Variants in STX18 observed in about 807,000 individuals in gnomAD.
STX18 encodes syntaxin-18.
Under a neutral mutation model 50.1 loss-of-function variants are expected in STX18, and 40 were observed. The observed-to-expected ratio is 0.80, with a 90% CI of 0.62 to 1.04. The LOEUF (loss-of-function observed/expected upper bound fraction) is 1.04, where lower values mean the gene tolerates loss of function less well. STX18 is among the 50% of genes least tolerant of loss of function. The pLI is 0.00. For synonymous variants in STX18, 158 were observed against 151.8 expected (o/e 1.04, Z -0.30); for missense variants, 410 against 415.8 (o/e 0.99, Z 0.12).
chr4:4,477,541 C>T (rs1233624856), intron 1 of STX18, among the ~76,000 whole-genome samples: 1 of 152,182 alleles, frequency 6.6e-6, no homozygotes, highest in African/African-American at 2.4e-5. Context: ...CTTCTCCCAG[C>T]AATGCCCAGG....
chr4:4,463,037 CAGA>C (rs1727459579), intron 2 of STX18, among the ~76,000 whole-genome samples: 2 of 152,212 alleles, frequency 1.3e-5, no homozygotes, highest in South Asian at 2.1e-4. Flanking sequence ...TGCAAAGTTG[CAGA>C]AGAACACCCG....
At chr4:4,513,544 T>TCTTA (rs1730102362) in intron 1 of STX18, among the ~76,000 whole-genome samples, 1 of 152,206 alleles carries the variant, frequency 6.6e-6, no homozygotes, top group Admixed American at 6.5e-5. Context: ...GATCTTATGG[T>TCTTA]TGCTTTTAGA....
chr4:4,520,348 G>A (rs1041277508), intron 1 of STX18, among the ~76,000 whole-genome samples: 6 of 152,080 alleles, frequency 3.9e-5, no homozygotes, highest in African/African-American at 1.4e-4. Context: ...ACAGAAATTT[G>A]GTCTCCTTCC....
At chr4:4,538,224 T>A (rs1402060102) in intron 1 of STX18, among the ~76,000 whole-genome samples, 2 of 152,140 alleles carry the variant, frequency 1.3e-5, no homozygotes, top group African/African-American at 4.8e-5. Flanking sequence ...TAACGGCTCC[T>A]GGGGTACAAT....
At chr4:4,482,393 G>C (rs886500270) in intron 1 of STX18, among the ~76,000 whole-genome samples, 1 of 152,162 alleles carries the variant, frequency 6.6e-6, no homozygotes, top group Non-Finnish European at 1.5e-5. Flanking sequence ...TCCTCATGCA[G>C]CCACTCACAC....
At chr4:4,435,159 A>G (rs1459844533) in intron 6 of STX18, among the ~76,000 whole-genome samples, 1 of 152,198 alleles carries the variant, frequency 6.6e-6, no homozygotes, top group Non-Finnish European at 1.5e-5. Context: ...CATTATTCAG[A>G]ATGTCTTCAG....
rs781259237 is a variant in STX18, at chr4:4,423,537, G to A, written c.812C>T (p.Thr271Met). The A allele has an allele frequency of 9.3e-6, 15 of 1,614,008 alleles. No individual in the cohort carries two copies. Among genetic ancestry groups the A allele is most frequent in the South Asian group, 6.6e-5 (6 of 91,086 alleles). Residue 271 changes from threonine to methionine, a missense_variant, in exon 9 of 11, where the codon ACG (threonine) becomes ATG (methionine). Transcript: ENST00000306200. Reference sequence around the variant, plus strand: ...TTTTACCTGTTGCAAAACCTTTTCCGTGAATATCTCTTGGAGTCTGGAAAT... The same window carrying A: ...TTTTACCTGTTGCAAAACCTTTTCCATGAATATCTCTTGGAGTCTGGAAAT... ...VEISRLQEIF[T>M]EKVLQQEAEI...
intron 2 of STX18, among the ~76,000 whole-genome samples, chr4:4,461,696 T>A (rs1318908852): frequency 1.3e-5 from 2 of 152,176 alleles, no homozygotes; most frequent in Non-Finnish European, 2.9e-5. Context: ...GAGAACTTGA[T>A]GAGAGACAAT....
intron 1 of STX18, among the ~76,000 whole-genome samples, chr4:4,495,197 T>C (rs73088213): frequency 2.3e-3 from 346 of 152,158 alleles, no homozygotes; most frequent in African/African-American, 8.1e-3. Context: ...TGCCTCAGAG[T>C]GTGTGTGAGG....
chr4:4,433,528 AT>A (rs1239318261), intron 7 of STX18, among the ~76,000 whole-genome samples: 23 of 135,938 alleles, frequency 1.7e-4, no homozygotes, highest in African/African-American at 5.2e-4. Flanking sequence ...AATAAAAAAA[AT>A]AAATTAAAAA....
At chr4:4,507,120 A>G (rs899648382) in intron 1 of STX18, 6 of 557,068 alleles carry the variant, frequency 1.1e-5, no homozygotes, top group Admixed American at 2.0e-5. Flanking sequence ...CCCAATGGCA[A>G]GAAGCCAGGT....
At chr4:4,433,324 A>G (rs1725610792) in intron 7 of STX18, among the ~76,000 whole-genome samples, 1 of 152,134 alleles carries the variant, frequency 6.6e-6, no homozygotes, top group Non-Finnish European at 1.5e-5. Flanking sequence ...ATTGAAAACA[A>G]CCTATAGCTT....
rs563819612 is a variant in STX18 at position 4,469,044 on chromosome 4, T to C, written c.236+2595A>G. ...GGTAGACACACCAGAGTGTGTACCA[T>C]ACAAGTCTATTTATATTCCCCTTGA... On this transcript the variant is annotated intron_variant, in intron 2 of 10. Transcript: ENST00000306200. Among the ~76,000 whole-genome samples, 171 of 152,304 alleles carry C rather than the reference T, an allele frequency of 1.1e-3. 1 individual carries two copies. The highest frequency in any genetic ancestry group is 5.8e-3 in the South Asian group (28 of 4,832).
rs1024260607 is a variant in STX18 at position 4,437,518 on chromosome 4, G to GA, written c.613+875dup. ...GGACAATGCAAATATGCAAAAATTT[G>GA]AAAAAACCCTAAATCCAAAACACTT... is the stretch of plus-strand genomic sequence containing the variant. On this transcript the variant is annotated intron_variant, in intron 6 of 10. Coordinates refer to ENST00000306200, the MANE Select transcript of STX18 (RefSeq NM_016930.4). 50 of 780,394 alleles carry GA rather than the reference G, an allele frequency of 6.4e-5. No homozygotes were observed. In the African/African-American group the frequency reaches 8.5e-4, roughly 13 times the overall value. The allele number at this position is 780,394 out of a possible 1,614,324, so 48.3% of individuals were successfully genotyped here. A position where few individuals can be genotyped will look rare whatever the true frequency, so the allele number is the denominator to read the frequency against.
intron 2 of STX18, among the ~76,000 whole-genome samples, chr4:4,467,729 A>G (rs1199834895): frequency 7.8e-6 from 1 of 128,160 alleles, no homozygotes; most frequent in East Asian, 2.7e-4. Context: ...CAGGATGGAA[A>G]GATAAGGTGG....
chr4:4,498,456 G>C (rs1214402398), intron 1 of STX18, among the ~76,000 whole-genome samples: 2 of 152,046 alleles, frequency 1.3e-5, no homozygotes, highest in African/African-American at 4.8e-5. Flanking sequence ...TGTTTGTTTT[G>C]TATCTTCAAT....
chr4:4,521,378 A>C (rs1730503833), intron 1 of STX18, among the ~76,000 whole-genome samples: 1 of 152,238 alleles, frequency 6.6e-6, no homozygotes, highest in Non-Finnish European at 1.5e-5. Context: ...ATAGGGAAGT[A>C]AACTACAGAC....
intron 1 of STX18, among the ~76,000 whole-genome samples, chr4:4,534,669 G>A (rs1043076490): frequency 2.6e-5 from 4 of 152,140 alleles, no homozygotes; most frequent in Admixed American, 6.5e-5. Flanking sequence ...TGCCTCTGCC[G>A]CATAGCCCAG....
chr4:4,437,715 T>C (rs1453128687), intron 6 of STX18: 88 of 709,746 alleles, frequency 1.2e-4, no homozygotes, highest in Non-Finnish European at 1.5e-4. Context: ...GCCATCACCC[T>C]GTGATTCACA....
Sources: allele counts gnomAD v4.1 joint callset (sites outside exome capture counted in the v4.1 genomes callset), GRCh38; gene constraint gnomAD v4.1.1; transcripts MANE v1.5; gene names NCBI Gene and HGNC (gene_info 2026-07-23, HGNC 2026-07-21).